CCDC24: variants seen among roughly 807,000 people sequenced by gnomAD.
CCDC24 encodes the protein coiled-coil domain containing 24.
CCDC24 carries 34 observed loss-of-function variants against 31.6 expected under a neutral mutation model. The ratio of observed to expected loss-of-function variants is 1.08; its 90% CI spans 0.82 to 1.43. The LOEUF (loss-of-function observed/expected upper bound fraction) is 1.43. Ranked by LOEUF, CCDC24 falls within the 40% of genes most tolerant of loss-of-function variation. The pLI is 0.00. For synonymous variants in CCDC24, 175 were observed against 157.3 expected (o/e 1.11, Z -0.84); for missense variants, 426 against 391.1 (o/e 1.09, Z -0.75).
chr1:43,992,288 C>G lies in CCDC24; in HGVS notation c.203C>G (p.Ser68Cys), dbSNP rs374280994. ...AGCTCCCGCCCCATCTCTGACCCCTCTTCTCTTCTGGCACCACCGCCTCTC... is the reference window on the plus strand; with the variant it reads ...AGCTCCCGCCCCATCTCTGACCCCTGTTCTCTTCTGGCACCACCGCCTCTC... ...APSSRPISDP[S>C]SLLAPPPLLK... Residue 68 changes from serine to cysteine, a missense_variant, in exon 3 of 9, where the codon TCT becomes TGT. Physicochemically the swap from Ser to Cys is moderately radical, Grantham distance 112. Transcript: ENST00000372318. 3 of 1,614,168 alleles carry G rather than the reference C, an allele frequency of 1.9e-6. No homozygotes were observed. The South Asian group carries it at 3.3e-5, about 18-fold the overall frequency.
intron 1 of CCDC24, 36 bp from the exon 2 acceptor site, chr1:43,991,811 C>G: frequency 6.5e-7 from 1 of 1,536,140 alleles, no homozygotes. Flanking sequence ...CCGGCGGGCC[C>G]GCGGTACCTC....
intron 5 of CCDC24, 24 bp downstream of exon 5, chr1:43,993,988 G>GT: frequency 6.3e-7 from 1 of 1,588,418 alleles, no homozygotes; most frequent in Non-Finnish European, 8.6e-7. Context: ...GCACCTGCAT[G>GT]TGTATAGGCA....
rs748112233 is a variant in CCDC24, at chr1:43,996,058, C to T, written c.822C>T (p.Gly274=). The T allele has an allele frequency of 8.1e-6, 13 of 1,614,014 alleles. No individual in the cohort carries two copies. The East Asian group carries it at 2.9e-4, about 36-fold the overall frequency. ...PPLEPYLRPR[G]QSATHRWGRQ... is the part of the protein sequence containing the mutation. ...TGGAGCCCTACCTTCGACCTCGAGG[C>T]CAGTCGGCTACCCACCGCTGGGGAC... The change falls in exon 9 of 9, where the codon GGC becomes GGT. Residue 274 remains glycine, a synonymous_variant. Transcript: ENST00000372318.
chr1:43,991,614 G>T lies in CCDC24; in HGVS notation c.-165G>T, dbSNP rs781218362. 2.8e-5 allele frequency: 20 copies of T among 702,588 alleles called. No individual in the cohort carries two copies. Among genetic ancestry groups the T allele is most frequent in the South Asian group, 2.8e-4 (19 of 67,574 alleles). The allele number at this position is 702,588 out of a possible 1,614,324, so 43.5% of individuals were successfully genotyped here. A position where few individuals can be genotyped will look rare whatever the true frequency, so the allele number is the denominator to read the frequency against. The stretch of plus-strand genomic sequence containing the variant: ...GCCACGCGGAAGAGGTGGGGCTAGG[G>T]CCCTGGTTCCCACTGCCTGGTTTCT... On this transcript the variant is annotated 5_prime_UTR_variant, in exon 1 of 9. Transcript: ENST00000372318.
At chr1:43,993,997 CA>C (rs1416575760) in intron 5 of CCDC24, 33 bp downstream of exon 5, 1 of 1,583,010 alleles carries the variant, frequency 6.3e-7, no homozygotes, top group Non-Finnish European at 8.7e-7. Context: ...TGTGTATAGG[CA>C]GGGGTGGAGA....
intron 4 of CCDC24, 198 bp from the exon 5 acceptor site, chr1:43,993,689 C>T (rs1557657263): frequency 5.7e-6 from 3 of 524,772 alleles, no homozygotes; most frequent in South Asian, 2.8e-5. Flanking sequence ...AGCTCAGAAG[C>T]GATAAGTGAT....
Position 43,995,507 on chromosome 1 carries a change from G to A in CCDC24, c.553-94G>A. 1 of 1,330,032 alleles carries A rather than the reference G, an allele frequency of 7.5e-7. No individual in the cohort carries two copies. 82.4% of individuals were successfully genotyped at this position (1,330,032 alleles called of 1,614,324 possible). On this transcript the variant is annotated intron_variant, in intron 6 of 8. Coordinates refer to ENST00000372318, the MANE Select transcript of CCDC24 (RefSeq NM_152499.4). The surrounding 1 kb of genome is among the most constrained non-coding windows in gnomAD (Gnocchi z 4.3). The stretch of plus-strand genomic sequence containing the variant: ...CCCTCACGGTGGATGGGCTGAAGGG[G>A]CTGCACGGGCCTGCCCTGGGGATCT...
At chr1:43,992,759 C>A in intron 4 of CCDC24, 120 bp downstream of exon 4, 2 of 848,794 alleles carry the variant, frequency 2.4e-6, no homozygotes. Context: ...CTTCCACCGC[C>A]ACTTGTGATA....
In CCDC24 at chr1:43,996,334, G is replaced by A; in HGVS notation, c.*174G>A. The A allele has an allele frequency of 1.6e-6, 1 of 608,374 alleles. No homozygotes were observed. Among genetic ancestry groups the A allele is most frequent in the East Asian group, 2.9e-5 (1 of 34,456 alleles). The allele number at this position is 608,374 out of a possible 1,614,324, so 37.7% of individuals were successfully genotyped here. On this transcript the variant is annotated 3_prime_UTR_variant, in exon 9 of 9. Transcript: ENST00000372318. ...CCCACCCCCTTGCCAGATCCCTGGTGTCTGGAGCTGAGTGGCCGGGCATCG... is the reference window on the plus strand; with the variant it reads ...CCCACCCCCTTGCCAGATCCCTGGTATCTGGAGCTGAGTGGCCGGGCATCG...
At position 43,992,270 on chromosome 1, in the gene CCDC24, G is replaced by T; in HGVS notation, c.185G>T (p.Arg62Leu). ...CGATCCTCTCAAGCCCCCAGCTCCC[G>T]CCCCATCTCTGACCCCTCTTCTCTT... is the stretch of plus-strand genomic sequence containing the variant. ...EARSSQAPSS[R>L]PISDPSSLLA... Residue 62 changes from arginine to leucine, a missense_variant, in exon 3 of 9, where the codon CGC (arginine) becomes CTC (leucine). Physicochemically the swap from Arg to Leu is moderately radical, Grantham distance 102. Coordinates refer to ENST00000372318, the MANE Select transcript of CCDC24 (RefSeq NM_152499.4). The T allele has an allele frequency of 6.2e-7, 1 of 1,613,884 alleles. No individual in the cohort carries two copies. Among genetic ancestry groups the T allele is most frequent in the Non-Finnish European group, 8.5e-7 (1 of 1,179,976 alleles).
rs143854845 is a variant in CCDC24 at position 43,992,604 on chromosome 1, A to G, written c.384A>G (p.Glu128=). Reference sequence around the variant, plus strand: ...AGGAGCCCAGGTGTGATTTGCCAGAACAGGAGATATTCCAGATGAGAGGTG... The same window carrying G: ...AGGAGCCCAGGTGTGATTTGCCAGAGCAGGAGATATTCCAGATGAGAGGTG... The part of the protein sequence containing the change: ...ALEEPRCDLP[E]QEIFQMRGGG... Residue 128 remains glutamate (E), a synonymous_variant, in exon 4 of 9, where the codon GAA becomes GAG. Transcript: ENST00000372318. 2.5e-6 allele frequency: 4 copies of G among 1,614,092 alleles called. No homozygotes were observed. The African/African-American group carries it at 5.3e-5, about 22-fold the overall frequency.
chr1:43,995,626 G>A lies in CCDC24; in HGVS notation c.578G>A (p.Arg193Lys), dbSNP rs1377540178. 9 of 1,612,200 alleles carry A rather than the reference G, an allele frequency of 5.6e-6. No homozygotes were observed. Among genetic ancestry groups the A allele is most frequent in the Non-Finnish European group, 7.6e-6 (9 of 1,179,088 alleles). The change falls in exon 7 of 9, where the codon AGG (arginine) becomes AAG (lysine). Residue 193 changes from arginine to lysine, a missense_variant. Physicochemically the swap from Arg to Lys is conservative, Grantham distance 26. Coordinates refer to ENST00000372318, the MANE Select transcript of CCDC24 (RefSeq NM_152499.4). The surrounding 1 kb of genome is among the most constrained non-coding windows in gnomAD (Gnocchi z 4.3). ...CGCTGCCTGGAAGAGGAGTATTTGAGGCCTTGCCACCCCTCTGAGGCAGCC... is the reference window on the plus strand; with the variant it reads ...CGCTGCCTGGAAGAGGAGTATTTGAAGCCTTGCCACCCCTCTGAGGCAGCC... ...LQRCLEEEYL[R>K]PCHPSEAALE...
In CCDC24 at chr1:43,991,746, G is replaced by A. The variant is rs1254500494; in HGVS notation, c.-33G>A. 1.7e-6 allele frequency: 2 copies of A among 1,176,570 alleles called. No individual in the cohort carries two copies. Among genetic ancestry groups the A allele is most frequent in the South Asian group, 1.3e-5 (1 of 76,908 alleles). The allele number at this position is 1,176,570 out of a possible 1,614,324, so 72.9% of individuals were successfully genotyped here. A position where few individuals can be genotyped will look rare whatever the true frequency, so the allele number is the denominator to read the frequency against. Reference sequence around the variant, plus strand: ...CCGAGGGGACCAGCGGCAGAGCACGGGTGGGGCTTGGGAGAGGGCGGGGCC... The same window carrying A: ...CCGAGGGGACCAGCGGCAGAGCACGAGTGGGGCTTGGGAGAGGGCGGGGCC... On this transcript the variant is annotated splice_region_variant and 5_prime_UTR_variant, in exon 1 of 9. Transcript: ENST00000372318.
Position 43,995,436 on chromosome 1 carries a change from A to G in CCDC24, c.553-165A>G, listed in dbSNP as rs2085823438. 9 of 809,720 alleles carry G rather than the reference A, an allele frequency of 1.1e-5. No individual in the cohort carries two copies. The highest frequency in any genetic ancestry group is 1.7e-5 in the Non-Finnish European group (9 of 523,364). 50.2% of individuals were successfully genotyped at this position (809,720 alleles called of 1,614,324 possible). A position where few individuals can be genotyped will look rare whatever the true frequency, so the allele number is the denominator to read the frequency against. On this transcript the variant is annotated intron_variant, in intron 6 of 8. Coordinates refer to ENST00000372318, the MANE Select transcript of CCDC24 (RefSeq NM_152499.4). This position sits in a 1 kb window ranked among gnomAD's most constrained non-coding sequence, Gnocchi z 4.3. ...TACAGGCCCCACCACTATCTTGCCA[A>G]ACTCAGCTCTTCCGCAAGGCTGGTA...
At position 43,992,420 on chromosome 1, in the gene CCDC24, A is replaced by G. The variant is rs183361462; in HGVS notation, c.302+33A>G. The G allele has an allele frequency of 1.6e-3, 2,620 of 1,613,382 alleles. 33 individuals carry two copies. In the African/African-American group the frequency reaches 0.028, roughly 17 times the overall value. ...CCTCAGGCCTGGGCCCTTTCCCTAG[A>G]TACCAGGTGGGCTAGCGCTGCCCCT... On this transcript the variant is annotated intron_variant, in intron 3 of 8. Transcript: ENST00000372318.
chr1:43,993,722 A>T (rs2154303674), intron 4 of CCDC24, 165 bp from the exon 5 acceptor site: 1 of 593,932 alleles, frequency 1.7e-6, no homozygotes, highest in South Asian at 2.2e-5. Flanking sequence ...ACACACAATG[A>T]AGGGTGGCAG....
chr1:43,995,908 C>T lies in CCDC24; in HGVS notation c.702-30C>T. 2 of 1,613,804 alleles carry T rather than the reference C, an allele frequency of 1.2e-6. No individual in the cohort carries two copies. Among genetic ancestry groups the T allele is most frequent in the Non-Finnish European group, 1.7e-6 (2 of 1,179,710 alleles). ...AGGGTGGACTGAAGGATCAGACCAC[C>T]ACCCCTCACAGTTACTCTTTCTTGT... is the stretch of plus-strand genomic sequence containing the variant. On this transcript the variant is annotated intron_variant, in intron 8 of 8. Coordinates refer to ENST00000372318, the MANE Select transcript of CCDC24 (RefSeq NM_152499.4). This position sits in a 1 kb window ranked among gnomAD's most constrained non-coding sequence, Gnocchi z 4.3.
Position 43,993,977 on chromosome 1 carries a change from G to A in CCDC24, c.497+13G>A, listed in dbSNP as rs1319303547. 6.8e-6 allele frequency: 11 copies of A among 1,611,344 alleles called. No homozygotes were observed. In the South Asian group the frequency reaches 1.2e-4, roughly 18 times the overall value. ...CCAGACACCTGAGGTGAGGCCCAGG[G>A]GCACCTGCATGTGTATAGGCAGGGG... On this transcript the variant is annotated intron_variant, in intron 5 of 8. Coordinates refer to ENST00000372318, the MANE Select transcript of CCDC24 (RefSeq NM_152499.4).
chr1:43,993,967 G>A lies in CCDC24; in HGVS notation c.497+3G>A. 1 of 1,613,510 alleles carries A rather than the reference G, an allele frequency of 6.2e-7. No individual in the cohort carries two copies. Among genetic ancestry groups the A allele is most frequent in the Non-Finnish European group, 8.5e-7 (1 of 1,179,472 alleles). On this transcript the variant is annotated splice_donor_region_variant and intron_variant, in intron 5 of 8. Transcript: ENST00000372318. Reference sequence around the variant, plus strand: ...GACCAGGTGGCCAGACACCTGAGGTGAGGCCCAGGGGCACCTGCATGTGTA... The same window carrying A: ...GACCAGGTGGCCAGACACCTGAGGTAAGGCCCAGGGGCACCTGCATGTGTA...
Sources: allele counts gnomAD v4.1 joint callset, GRCh38; gene constraint gnomAD v4.1.1; non-coding constraint Gnocchi (gnomAD v3.1); transcripts MANE v1.5; gene names NCBI Gene and HGNC (gene_info 2026-07-23, HGNC 2026-07-21).